ST7: variants seen among roughly 807,000 people sequenced by gnomAD.
ST7 encodes the protein suppressor of tumorigenicity 7 protein.
ST7 carries 28 observed loss-of-function variants against 78.7 expected under a neutral mutation model. The observed-to-expected ratio is 0.36, with a 90% CI of 0.26 to 0.49. ST7 has a LOEUF of 0.49. Among genes scored for constraint, ST7 ranks in the 20% least tolerant of loss-of-function variants. The pLI is 0.99. For synonymous variants in ST7, 247 were observed against 249.6 expected (o/e 0.99, Z 0.10); for missense variants, 418 against 696.0 (o/e 0.60, Z 4.49).
intron 3 of ST7, among the ~76,000 whole-genome samples, chr7:117,122,302 C>A (rs915268040): frequency 6.6e-6 from 1 of 152,118 alleles, no homozygotes; most frequent in East Asian, 1.9e-4. Flanking sequence ...GGAACCTGGG[C>A]CTTATCTTCA....
At position 117,119,456 on chromosome 7, in the gene ST7, A is replaced by G. The variant is rs1803185166; in HGVS notation, c.235-105A>G. The G allele has an allele frequency of 4.5e-6, 5 of 1,107,444 alleles. No homozygotes were observed. In the Admixed American group the frequency reaches 8.7e-5, roughly 19 times the overall value. The allele number at this position is 1,107,444 out of a possible 1,614,324, so 68.6% of individuals were successfully genotyped here. On this transcript the variant is annotated intron_variant, in intron 2 of 15. Transcript: ENST00000323984. ...TAGAATAAACAGTTTTTGAAATAAA[A>G]TATACTTAAGGTGGAATTAGTAAAT...
intron 15 of ST7, among the ~76,000 whole-genome samples, chr7:117,227,458 ACTC>A (rs1328870520): frequency 6.6e-6 from 1 of 151,636 alleles, no homozygotes; most frequent in African/African-American, 2.4e-5. Flanking sequence ...TAACACTTTA[ACTC>A]CTCTTTATGA....
chr7:117,066,233 A>G (rs1378018880), intron 1 of ST7, among the ~76,000 whole-genome samples: 1 of 152,200 alleles, frequency 6.6e-6, no homozygotes. Flanking sequence ...AGGAAGTAAA[A>G]TACTTTCCCA....
At chr7:117,182,456 C>T (rs1410248767) in intron 10 of ST7, among the ~76,000 whole-genome samples, 2 of 152,150 alleles carry the variant, frequency 1.3e-5, no homozygotes, top group African/African-American at 4.8e-5. Flanking sequence ...GATTTAATGG[C>T]TCAGATTTAA....
At chr7:117,091,087 G>A (rs1353192336) in intron 1 of ST7, among the ~76,000 whole-genome samples, 2 of 152,192 alleles carry the variant, frequency 1.3e-5, no homozygotes, top group Admixed American at 6.5e-5. Context: ...GGCGACATCG[G>A]GAGTGGAAGG....
At chr7:117,111,537 A>G (rs1371197981) in intron 2 of ST7, among the ~76,000 whole-genome samples, 2 of 152,248 alleles carry the variant, frequency 1.3e-5, no homozygotes, top group African/African-American at 4.8e-5. Context: ...TGTATATTTT[A>G]TTAGATATCC....
intron 13 of ST7, among the ~76,000 whole-genome samples, chr7:117,216,453 T>C (rs1002235791): frequency 6.6e-6 from 1 of 152,248 alleles, no homozygotes; most frequent in Non-Finnish European, 1.5e-5. Context: ...AAAATAGATC[T>C]GTTCAAATGA....
At chr7:117,051,044 A>G (rs902862171) in intron 1 of ST7, among the ~76,000 whole-genome samples, 2 of 152,000 alleles carry the variant, frequency 1.3e-5, no homozygotes, top group African/African-American at 4.8e-5. Flanking sequence ...AAATTTGCGT[A>G]TAAACAGACC....
intron 1 of ST7, among the ~76,000 whole-genome samples, chr7:116,996,082 GTTT>G (rs71148355): frequency 1.5e-5 from 2 of 130,284 alleles, no homozygotes; most frequent in Admixed American, 1.6e-4. Context: ...CAGATTCCCC[GTTT>G]TTTTTTTTTT....
intron 1 of ST7, among the ~76,000 whole-genome samples, chr7:116,979,247 G>A (rs1239298733): frequency 6.6e-6 from 1 of 152,192 alleles, no homozygotes; most frequent in Admixed American, 6.5e-5. Flanking sequence ...GAAGGGGAGG[G>A]ACAAATGGAA....
At chr7:116,955,313 AT>A (rs368462802) in intron 1 of ST7, among the ~76,000 whole-genome samples, 7 of 152,166 alleles carry the variant, frequency 4.6e-5, no homozygotes, top group Admixed American at 2.6e-4. Flanking sequence ...TAAAGAACAC[AT>A]TTTATTTCTT....
intron 9 of ST7, among the ~76,000 whole-genome samples, chr7:117,161,591 C>CTTTTTTTTTTT (rs60505994): frequency 1.1e-4 from 13 of 113,590 alleles, no homozygotes; most frequent in Non-Finnish European, 1.9e-4. Flanking sequence ...TTCTTTCTTT[C>CTTTTTTTTTTT]TTTTTTTTTT....
intron 9 of ST7, among the ~76,000 whole-genome samples, chr7:117,165,323 T>G (rs1247529563): frequency 6.6e-6 from 1 of 152,168 alleles, no homozygotes. Context: ...TGACAGAGAC[T>G]TCTCTAGACC....
At chr7:117,215,125 A>G (rs925305850) in intron 13 of ST7, among the ~76,000 whole-genome samples, 7 of 152,086 alleles carry the variant, frequency 4.6e-5, no homozygotes, top group African/African-American at 1.7e-4. Context: ...TTCAGAGTAG[A>G]ACATCATTTA....
chr7:117,106,220 G>A (rs1413588409), intron 2 of ST7, among the ~76,000 whole-genome samples: 1 of 151,736 alleles, frequency 6.6e-6, no homozygotes, highest in Non-Finnish European at 1.5e-5. Context: ...GGATGGTCTC[G>A]ATCTCCTGAC....
chr7:117,009,413 A>C (rs1209908052), intron 1 of ST7, among the ~76,000 whole-genome samples: 1 of 152,028 alleles, frequency 6.6e-6, no homozygotes, highest in Non-Finnish European at 1.5e-5. Context: ...TGCCTAAAGA[A>C]GCTTTTCTAC....
chr7:117,060,133 A>G (rs746603516), intron 1 of ST7, among the ~76,000 whole-genome samples: 1 of 152,202 alleles, frequency 6.6e-6, no homozygotes, highest in Non-Finnish European at 1.5e-5. Context: ...CAGCATAACC[A>G]GTTGACACAA....
chr7:116,959,235 G>T (rs764571562), intron 1 of ST7: 15 of 470,668 alleles, frequency 3.2e-5, no homozygotes, highest in African/African-American at 3.0e-4. Flanking sequence ...CTCTTTATCC[G>T]TTCAAGTTTT....
intron 2 of ST7, among the ~76,000 whole-genome samples, chr7:117,107,104 T>G (rs111984066): frequency 1.8e-4 from 28 of 152,292 alleles, no homozygotes; most frequent in African/African-American, 6.7e-4. Flanking sequence ...CCATGGTGTG[T>G]GTGTATGTGT....
Sources: gnomAD v4.1 joint callset for allele counts (sites outside exome capture counted in the v4.1 genomes callset) on GRCh38, gnomAD v4.1.1 for gene constraint, MANE v1.5 for transcripts, NCBI Gene and HGNC (gene_info 2026-07-23, HGNC 2026-07-21) for gene names.